The following GSE1 variants were observed in gnomAD, a reference collection of about 807,000 sequenced individuals.
GSE1 encodes the protein genetic suppressor element 1.
Under a neutral mutation model 112.6 loss-of-function variants are expected in GSE1, and 32 were observed. The observed-to-expected ratio is 0.28, with a 90% CI of 0.21 to 0.38. The LOEUF is 0.38. Among genes scored for constraint, GSE1 ranks in the 10% least tolerant of loss-of-function variants. The pLI is 1.00. For synonymous variants in GSE1, 1,115 were observed against 735.6 expected, an observed-to-expected ratio of 1.52 and a Z score of -8.35; for missense variants, 2,348 against 1,699.2, an observed-to-expected ratio of 1.38 and a Z score of -6.71.
intron 2 of GSE1, among the ~76,000 whole-genome samples, chr16:85,402,240 C>T (rs11640754): frequency 0.21 from 31,787 of 152,084 alleles, 3,458 homozygotes; most frequent in Middle Eastern, 0.34. Context: ...GTACTGAAGC[C>T]AGAGCGGCCT....
intron 1 of GSE1, among the ~76,000 whole-genome samples, chr16:85,613,840 G>A (rs374977985): frequency 0.013 from 1,794 of 140,428 alleles, 49 homozygotes; most frequent in South Asian, 0.05. Flanking sequence ...TGCTGGCGAC[G>A]GCCGAGGAAG....
intron 2 of GSE1, among the ~76,000 whole-genome samples, chr16:85,485,558 TGCC>T (rs950804502): frequency 6.6e-6 from 1 of 152,246 alleles, no homozygotes; most frequent in Non-Finnish European, 1.5e-5. Context: ...CAGGCCCGGC[TGCC>T]GCCGCCGCCG....
chr16:85,253,871 G>A (rs1346150277), intron 1 of GSE1, among the ~76,000 whole-genome samples: 1 of 152,082 alleles, frequency 6.6e-6, no homozygotes, highest in Admixed American at 6.5e-5. Context: ...TGTGGGCTCG[G>A]AGGCTGCTCT....
chr16:85,622,154 TTGG>T (rs1368269768), intron 1 of GSE1, among the ~76,000 whole-genome samples: 1 of 152,174 alleles, frequency 6.6e-6, no homozygotes, highest in Non-Finnish European at 1.5e-5. Flanking sequence ...TTTGTCCTGT[TTGG>T]TGGCTGGGTT....
At chr16:85,556,293 C>T (rs761664278) in exon 1 of GSE1, 4 of 983,300 alleles carry the variant, frequency 4.1e-6, no homozygotes, top group South Asian at 9.4e-5. Context: ...CTTCTTCATC[C>T]CTCTCTGGCC....
intron 1 of GSE1, among the ~76,000 whole-genome samples, chr16:85,258,630 C>G (rs1394160878): frequency 6.6e-6 from 1 of 152,170 alleles, no homozygotes; most frequent in African/African-American, 2.4e-5. Context: ...AGCCCCTTCT[C>G]CGCCTGTGGG....
chr16:85,543,098 C>T (rs1307479136), intron 2 of GSE1, among the ~76,000 whole-genome samples: 6 of 151,580 alleles, frequency 4.0e-5, no homozygotes, highest in Admixed American at 6.6e-5. Context: ...CAGTGGCAGG[C>T]GCCTGTAGGA....
intron 2 of GSE1, among the ~76,000 whole-genome samples, chr16:85,498,242 G>A (rs1325928603): frequency 6.6e-6 from 1 of 152,236 alleles, no homozygotes; most frequent in East Asian, 1.9e-4. Flanking sequence ...TGAACTGCTG[G>A]GGTGTCCTCA....
chr16:85,374,229 T>C (rs1241398459), intron 2 of GSE1, among the ~76,000 whole-genome samples: 1 of 138,920 alleles, frequency 7.2e-6, no homozygotes, highest in East Asian at 2.1e-4. Context: ...GTGTGTGTCA[T>C]TGTGCCTGTG....
intron 1 of GSE1, among the ~76,000 whole-genome samples, chr16:85,205,907 C>T (rs796503321): frequency 5.9e-5 from 9 of 152,350 alleles, no homozygotes; most frequent in African/African-American, 1.7e-4. Flanking sequence ...CCGTCACGTG[C>T]CTGCAAGACA....
At chr16:85,331,554 T>TGTGTATATAA (rs1160573161) in intron 1 of GSE1, among the ~76,000 whole-genome samples, 14 of 88,668 alleles carry the variant, frequency 1.6e-4, no homozygotes, top group Non-Finnish European at 2.5e-4. Context: ...TGTGTATATA[T>TGTGTATATAA]GTGTATATGT....
At chr16:85,479,764 C>T (rs1027063201) in intron 2 of GSE1, among the ~76,000 whole-genome samples, 1 of 152,194 alleles carries the variant, frequency 6.6e-6, no homozygotes, top group Non-Finnish European at 1.5e-5. Context: ...GAACATTTTC[C>T]ATGTGTCACT....
intron 1 of GSE1, among the ~76,000 whole-genome samples, chr16:85,195,218 C>T (rs912148909): frequency 2.0e-5 from 3 of 152,196 alleles, no homozygotes; most frequent in Non-Finnish European, 4.4e-5. Flanking sequence ...GCTTGAGCTC[C>T]ATTCACTGGG....
chr16:85,184,352 G>T (rs2074656891), intron 1 of GSE1, among the ~76,000 whole-genome samples: 1 of 152,162 alleles, frequency 6.6e-6, no homozygotes, highest in Non-Finnish European at 1.5e-5. Context: ...GCAAATTCTT[G>T]ATCTTGTATT....
At chr16:85,266,338 T>G (rs1164834594) in intron 1 of GSE1, among the ~76,000 whole-genome samples, 1 of 152,124 alleles carries the variant, frequency 6.6e-6, no homozygotes, top group African/African-American at 2.4e-5. Context: ...GTGAATTCCC[T>G]CCCTGCTTCT....
intron 1 of GSE1, among the ~76,000 whole-genome samples, chr16:85,323,762 C>A (rs1180647430): frequency 1.3e-5 from 2 of 152,180 alleles, no homozygotes; most frequent in Non-Finnish European, 2.9e-5. Context: ...AGGCTGACTT[C>A]CACGCTCCCC....
At position 85,536,073 on chromosome 16, in the gene GSE1, G is replaced by A. The variant is rs191097263; in HGVS notation, c.2465-97841G>A. On this transcript the variant is annotated intron_variant, in intron 2 of 2. Coordinates refer to the GSE1 transcript ENST00000637419. The stretch of plus-strand genomic sequence containing the variant: ...TAGCAAAGCAGACCCAGAAGGCCAC[G>A]AGAAAGAGATTCAGAAGAACTTGGA... Among the ~76,000 whole-genome samples, 460 of 152,366 alleles carry A rather than the reference G, an allele frequency of 3.0e-3. 2 individuals are homozygous for A. Among genetic ancestry groups the A allele is most frequent in the African/African-American group, 0.01 (430 of 41,578 alleles).
At chr16:85,643,491 C>A (rs1307906719) in intron 2 of GSE1, among the ~76,000 whole-genome samples, 1 of 151,720 alleles carries the variant, frequency 6.6e-6, no homozygotes, top group Non-Finnish European at 1.5e-5. Context: ...CTTACTTCCT[C>A]ACCCGCGCCT....
At chr16:85,619,364 G>C (rs763360921) in intron 1 of GSE1, among the ~76,000 whole-genome samples, 14 of 151,824 alleles carry the variant, frequency 9.2e-5, no homozygotes, top group African/African-American at 2.4e-5. Flanking sequence ...AGGTTAAGCC[G>C]TCCCGAAGGA....
Sources: gnomAD v4.1 joint callset for allele counts (sites outside exome capture counted in the v4.1 genomes callset) on GRCh38, gnomAD v4.1.1 for gene constraint, MANE v1.5 for transcripts, NCBI Gene and HGNC (gene_info 2026-07-23, HGNC 2026-07-21) for gene names.